Variants in MYLK observed in about 807,000 individuals in gnomAD.
MYLK encodes the protein myosin light chain kinase, smooth muscle.
Under a neutral mutation model 203.4 loss-of-function variants are expected in MYLK, and 106 were observed. That is an observed-to-expected ratio of 0.52 (90% CI 0.45 to 0.61). The LOEUF (loss-of-function observed/expected upper bound fraction) is 0.61, where lower values mean the gene tolerates loss of function less well. Ranked by LOEUF, MYLK falls within the 20% of genes least tolerant of loss-of-function variation. The probability of loss-of-function intolerance (pLI) is 0.00; values close to 1 mark genes in which losing one functional copy is unlikely to be tolerated. For synonymous variants in MYLK, 867 were observed against 959.5 expected (o/e 0.90, Z 1.78); for missense variants, 2,072 against 2,442.3 (o/e 0.85, Z 3.20).
At chr3:123,647,123 T>C in intron 27 of MYLK, 101 bp downstream of exon 27, 2 of 1,072,468 alleles carry the variant, frequency 1.9e-6, no homozygotes, top group Admixed American at 3.8e-5. Context: ...CTGTCTGCAG[T>C]GCTTTCCATC....
chr3:123,756,469 C>T (rs983679073), intron 4 of MYLK, among the ~76,000 whole-genome samples: 4 of 152,146 alleles, frequency 2.6e-5, no homozygotes, highest in African/African-American at 9.7e-5. Context: ...CTGGGCCTGG[C>T]TTGGTGTCCT....
intron 20 of MYLK, among the ~76,000 whole-genome samples, chr3:123,670,230 T>G (rs2059872930): frequency 6.6e-6 from 1 of 152,000 alleles, no homozygotes; most frequent in Admixed American, 6.6e-5. Flanking sequence ...GCTGTTTGAA[T>G]GGAAAAGGAA....
At chr3:123,639,528 A>G (rs2058759377) in intron 28 of MYLK, among the ~76,000 whole-genome samples, 2 of 152,184 alleles carry the variant, frequency 1.3e-5, no homozygotes, top group Non-Finnish European at 2.9e-5. Context: ...TGTTTCCTCA[A>G]TCACCGGGAC....
intron 5 of MYLK, among the ~76,000 whole-genome samples, chr3:123,750,292 C>T (rs1052477944): frequency 6.6e-6 from 1 of 151,990 alleles, no homozygotes; most frequent in African/African-American, 2.4e-5. Context: ...CCTGAGTCTC[C>T]CCAAATGAAA....
At chr3:123,725,901 G>A in intron 12 of MYLK, 43 bp downstream of exon 12, 2 of 1,605,508 alleles carry the variant, frequency 1.2e-6, no homozygotes, top group Non-Finnish European at 1.7e-6. Flanking sequence ...GCGCCAAAGG[G>A]CCCAGGGGAT....
intron 29 of MYLK, among the ~76,000 whole-genome samples, chr3:123,633,858 G>T (rs967758584): frequency 1.3e-5 from 2 of 151,868 alleles, no homozygotes; most frequent in Admixed American, 6.6e-5. Flanking sequence ...TATGTGTGTG[G>T]GTTTTAAGAA....
chr3:123,662,524 C>G (rs1576468176), intron 23 of MYLK, among the ~76,000 whole-genome samples: 3 of 152,172 alleles, frequency 2.0e-5, no homozygotes, highest in Admixed American at 2.0e-4. Flanking sequence ...GTCGAGGAAT[C>G]AGAATGTCAG....
intron 13 of MYLK, 109 bp downstream of exon 13, chr3:123,722,019 G>A: frequency 3.5e-6 from 5 of 1,426,238 alleles, no homozygotes; most frequent in Non-Finnish European, 4.8e-6. Flanking sequence ...GTGCACCTCT[G>A]CTCCCTGGAT....
At chr3:123,876,979 C>T (rs2033188814) in intron 1 of MYLK, among the ~76,000 whole-genome samples, 1 of 152,138 alleles carries the variant, frequency 6.6e-6, no homozygotes, top group Admixed American at 6.5e-5. Flanking sequence ...TTTACAGGGA[C>T]TTATTTCTAG....
intron 24 of MYLK, among the ~76,000 whole-genome samples, chr3:123,651,837 G>A (rs2059221840): frequency 1.3e-5 from 2 of 152,208 alleles, no homozygotes; most frequent in Admixed American, 1.3e-4. Context: ...GAGGTCTGTG[G>A]CAGATCTGAT....
At chr3:123,696,734 G>A (rs990425581) in intron 18 of MYLK, among the ~76,000 whole-genome samples, 1 of 148,274 alleles carries the variant, frequency 6.7e-6, no homozygotes, top group Non-Finnish European at 1.5e-5. Flanking sequence ...TCTTCCTCTC[G>A]ACCTCTTCAG....
At chr3:123,677,702 CTA>C (rs1412825470) in intron 20 of MYLK, among the ~76,000 whole-genome samples, 1 of 151,544 alleles carries the variant, frequency 6.6e-6, no homozygotes, top group East Asian at 1.9e-4. Context: ...TAAATGTAGA[CTA>C]TGAATCAATT....
Position 123,629,999 on chromosome 3 carries a change from CCT to C in MYLK, c.4962-375_4962-374del, listed in dbSNP as rs1422950955. 6.6e-6 allele frequency among the ~76,000 whole-genome samples: 1 copy of C among 152,076 alleles called. No individual in the cohort carries two copies. Among genetic ancestry groups the C allele is most frequent in the Non-Finnish European group, 1.5e-5 (1 of 68,012 alleles). ...GCCCCTTCCTCCCGTGCTCCTGCCC[CCT>C]CTCTGTGGACTGGGCACATGGTAGT... On this transcript the variant is annotated intron_variant, in intron 29 of 33. Transcript: ENST00000360304. This position sits in a 1 kb window ranked among gnomAD's most constrained non-coding sequence, Gnocchi z 4.4.
At chr3:123,864,048 A>G (rs766078445) in intron 2 of MYLK, among the ~76,000 whole-genome samples, 1 of 152,212 alleles carries the variant, frequency 6.6e-6, no homozygotes, top group Non-Finnish European at 1.5e-5. Flanking sequence ...ACAAAACAAC[A>G]TGGATAAATC....
intron 20 of MYLK, among the ~76,000 whole-genome samples, chr3:123,678,725 GA>G (rs141435622): frequency 6.6e-6 from 1 of 151,710 alleles, no homozygotes; most frequent in African/African-American, 2.4e-5. Context: ...GCAAAGCTAA[GA>G]AAAAAAGGCA....
In MYLK at chr3:123,611,293, G is replaced by C. The variant is rs1282328490; in HGVS notation, c.*2812C>G. On this transcript the variant is annotated 3_prime_UTR_variant, in exon 34 of 34. Transcript: ENST00000360304. Reference sequence around the variant, plus strand: ...ATGGGGAACTTGCCATCTGATATCTGATAACAGACTTCCTGTAAAGCAGGA... The same window carrying C: ...ATGGGGAACTTGCCATCTGATATCTCATAACAGACTTCCTGTAAAGCAGGA... 6.6e-6 allele frequency: 1 copy of C among 152,172 alleles called. No homozygotes were observed. The highest frequency in any genetic ancestry group is 2.4e-5 in the African/African-American group (1 of 41,430). 9.4% of individuals were successfully genotyped at this position (152,172 alleles called of 1,614,324 possible).
At chr3:123,688,077 T>C (rs2060526423) in intron 19 of MYLK, among the ~76,000 whole-genome samples, 1 of 152,066 alleles carries the variant, frequency 6.6e-6, no homozygotes, top group Non-Finnish European at 1.5e-5. Context: ...TCCTTCTTAG[T>C]CTTCTTCGCA....
intron 19 of MYLK, among the ~76,000 whole-genome samples, chr3:123,687,099 G>A (rs569194281): frequency 8.5e-5 from 13 of 152,256 alleles, no homozygotes; most frequent in Admixed American, 5.9e-4. Flanking sequence ...GCGGGTGCCT[G>A]TAACCTCAGC....
At chr3:123,826,603 A>G (rs2066129500) in intron 3 of MYLK, among the ~76,000 whole-genome samples, 1 of 152,244 alleles carries the variant, frequency 6.6e-6, no homozygotes, top group Non-Finnish European at 1.5e-5. Context: ...TAGGTTGGCC[A>G]AACATCTGCA....
Sources: gnomAD v4.1 joint callset for allele counts (sites outside exome capture counted in the v4.1 genomes callset) on GRCh38, gnomAD v4.1.1 for gene constraint, Gnocchi (gnomAD v3.1) non-coding constraint, MANE v1.5 for transcripts, NCBI Gene and HGNC (gene_info 2026-07-23, HGNC 2026-07-21) for gene names.